The following EIF3H variants were observed in gnomAD, a reference collection of about 807,000 sequenced individuals.
EIF3H encodes the protein eukaryotic translation initiation factor 3 subunit H, also known as eIF-3-gamma.
A neutral mutation model predicts 44.2 loss-of-function variants in EIF3H; 26 were observed. The ratio of observed to expected loss-of-function variants is 0.59; its 90% CI spans 0.43 to 0.82. The LOEUF (loss-of-function observed/expected upper bound fraction) is 0.82. Among genes scored for constraint, EIF3H ranks in the 40% least tolerant of loss-of-function variants. EIF3H has a pLI of 0.00. For missense variants in EIF3H, 359 were observed against 432.8 expected (o/e 0.83, Z 1.51); for synonymous variants, 166 against 151.9 (o/e 1.09, Z -0.68).
upstream of EIF3H, chr8:116,755,858 C>T (rs1325383918): frequency 5.0e-6 from 8 of 1,598,180 alleles, no homozygotes; most frequent in Non-Finnish European, 6.8e-6. Flanking sequence ...GTACAAGTCT[C>T]GCGTGACGTC....
intron 6 of EIF3H, among the ~76,000 whole-genome samples, chr8:116,647,132 C>T (rs979195712): frequency 1.3e-5 from 2 of 152,050 alleles, no homozygotes; most frequent in Admixed American, 6.5e-5. Context: ...GTCACCCAGG[C>T]TGGAGTGCAG....
At chr8:116,676,251 G>A (rs1452097378) in intron 2 of EIF3H, among the ~76,000 whole-genome samples, 1 of 152,230 alleles carries the variant, frequency 6.6e-6, no homozygotes, top group Non-Finnish European at 1.5e-5. Context: ...AGAATACAAA[G>A]TGGGGAAGAA....
rs1563663281 is a variant in EIF3H, at chr8:116,752,791, G to GGAAGGAAGGAAGGAA, written c.132+2874_132+2875insTTCCTTCCTTCCTTC. On this transcript the variant is annotated intron_variant, in intron 1 of 7. Transcript: ENST00000521861. ...AGGGAGGGAGGGAGGGAGGGAGGGA[G>GGAAGGAAGGAAGGAA]GGAGGGAAGGAAGGAAGGAAGGAAG... Among the ~76,000 whole-genome samples, 309 of 71,518 alleles carry GGAAGGAAGGAAGGAA rather than the reference G, an allele frequency of 4.3e-3. 26 individuals are homozygous for GGAAGGAAGGAAGGAA. Among genetic ancestry groups the GGAAGGAAGGAAGGAA allele is most frequent in the South Asian group, 0.013 (23 of 1,726 alleles). 46.9% of individuals were successfully genotyped at this position (71,518 alleles called of 152,430 possible). A position where few individuals can be genotyped will look rare whatever the true frequency, so the allele number is the denominator to read the frequency against.
At chr8:116,693,429 G>C (rs1361342117) in intron 2 of EIF3H, among the ~76,000 whole-genome samples, 5 of 152,108 alleles carry the variant, frequency 3.3e-5, no homozygotes, top group Non-Finnish European at 7.4e-5. Flanking sequence ...AACAAATAGA[G>C]AAACACACTG....
chr8:116,685,667 G>T (rs1814063819), intron 2 of EIF3H, among the ~76,000 whole-genome samples: 1 of 152,172 alleles, frequency 6.6e-6, no homozygotes, highest in Non-Finnish European at 1.5e-5. Context: ...AGCAAGTCCA[G>T]GTGACCAGGA....
intron 2 of EIF3H, among the ~76,000 whole-genome samples, chr8:116,692,269 G>C (rs1328592154): frequency 6.6e-6 from 1 of 152,102 alleles, no homozygotes; most frequent in Non-Finnish European, 1.5e-5. Flanking sequence ...TAACCCAGAA[G>C]AAACTGGGAG....
intron 2 of EIF3H, among the ~76,000 whole-genome samples, chr8:116,664,874 A>C (rs1012699702): frequency 6.6e-6 from 1 of 152,246 alleles, no homozygotes. Context: ...TTCTAAAATA[A>C]ACACAGCCTG....
intron 1 of EIF3H, among the ~76,000 whole-genome samples, chr8:116,764,358 T>C (rs1334246143): frequency 6.6e-6 from 1 of 152,242 alleles, no homozygotes; most frequent in Non-Finnish European, 1.5e-5. Flanking sequence ...GCCTTGGTTG[T>C]GGCTAAATAT....
chr8:116,754,700 T>C (rs995456506), intron 1 of EIF3H, among the ~76,000 whole-genome samples: 3 of 152,360 alleles, frequency 2.0e-5, no homozygotes, highest in Non-Finnish European at 2.9e-5. Context: ...TGGAAGAGCC[T>C]AGAAGACTGA....
intron 2 of EIF3H, among the ~76,000 whole-genome samples, chr8:116,706,382 C>T (rs1335693578): frequency 1.3e-5 from 2 of 152,206 alleles, no homozygotes; most frequent in South Asian, 4.1e-4. Context: ...TCTCTCTTCA[C>T]ACAGCTAGTT....
At chr8:116,653,943 G>A (rs898861462) in intron 5 of EIF3H, among the ~76,000 whole-genome samples, 4 of 152,208 alleles carry the variant, frequency 2.6e-5, no homozygotes, top group Admixed American at 2.6e-4. Flanking sequence ...TTAAGCACCT[G>A]CATAAGAATT....
intron 5 of EIF3H, among the ~76,000 whole-genome samples, chr8:116,650,590 T>C (rs1395312713): frequency 1.3e-5 from 2 of 152,220 alleles, no homozygotes; most frequent in African/African-American, 4.8e-5. Flanking sequence ...AGTTCTGATA[T>C]ACCCCACAAC....
chr8:116,758,951 T>C (rs921788644), upstream of EIF3H, among the ~76,000 whole-genome samples: 1 of 152,188 alleles, frequency 6.6e-6, no homozygotes, highest in African/African-American at 2.4e-5. Flanking sequence ...CTAAGCTCTC[T>C]AACATCCTAG....
At chr8:116,709,841 A>G (rs986727614) in intron 2 of EIF3H, among the ~76,000 whole-genome samples, 1 of 152,218 alleles carries the variant, frequency 6.6e-6, no homozygotes, top group Non-Finnish European at 1.5e-5. Context: ...GATAAATAAG[A>G]AAAGGGTAGC....
At chr8:116,664,897 A>T (rs2130805228) in intron 2 of EIF3H, among the ~76,000 whole-genome samples, 1 of 150,690 alleles carries the variant, frequency 6.6e-6, no homozygotes, top group East Asian at 2.0e-4. Flanking sequence ...GGGAAAGAGT[A>T]GAGCTAGGCA....
intron 2 of EIF3H, among the ~76,000 whole-genome samples, chr8:116,712,583 A>G (rs1050545900): frequency 5.3e-5 from 8 of 152,218 alleles, no homozygotes; most frequent in Non-Finnish European, 1.2e-4. Flanking sequence ...GGTAGAAAAA[A>G]GCATTAAATA....
intron 2 of EIF3H, among the ~76,000 whole-genome samples, chr8:116,677,779 C>T (rs925601975): frequency 6.6e-6 from 1 of 152,120 alleles, no homozygotes; most frequent in Non-Finnish European, 1.5e-5. Flanking sequence ...TTTCAATATA[C>T]CATAAAATGT....
At chr8:116,645,244 G>T in intron 7 of EIF3H, 141 bp from the exon 8 acceptor site, 1 of 639,646 alleles carries the variant, frequency 1.6e-6, no homozygotes, top group East Asian at 2.8e-5. Flanking sequence ...TTCCATAAGG[G>T]ATAAGAAATA....
intron 1 of EIF3H, among the ~76,000 whole-genome samples, chr8:116,733,899 CA>C (rs1241848738): frequency 6.6e-6 from 1 of 151,774 alleles, no homozygotes; most frequent in Non-Finnish European, 1.5e-5. Flanking sequence ...TCTACATTTT[CA>C]AAAAAAATTT....
Sources: allele counts gnomAD v4.1 joint callset (sites outside exome capture counted in the v4.1 genomes callset), GRCh38; gene constraint gnomAD v4.1.1; transcripts MANE v1.5; gene names NCBI Gene and HGNC (gene_info 2026-07-23, HGNC 2026-07-21).